The following ANKMY1 variants were observed in gnomAD, a reference collection of about 807,000 sequenced individuals.
The protein encoded by ANKMY1 is ankyrin repeat and MYND domain-containing protein 1.
Under a neutral mutation model 102.0 loss-of-function variants are expected in ANKMY1, and 98 were observed. The observed-to-expected ratio is 0.96, with a 90% CI of 0.82 to 1.14. ANKMY1 has a LOEUF of 1.14. ANKMY1 is among the 50% of genes most tolerant of loss of function. The pLI, the probability that ANKMY1 is intolerant of heterozygous loss-of-function variation, is 0.00. For synonymous variants in ANKMY1, 582 were observed against 559.9 expected (o/e 1.04, Z -0.56); for missense variants, 1,330 against 1,347.6 (o/e 0.99, Z 0.20).
At chr2:240,514,074 T>A (rs778306720) in intron 9 of ANKMY1, among the ~76,000 whole-genome samples, 3 of 152,152 alleles carry the variant, frequency 2.0e-5, no homozygotes, top group African/African-American at 4.8e-5. Flanking sequence ...GGCCACACCC[T>A]CCTTACATGT....
intron 12 of ANKMY1, among the ~76,000 whole-genome samples, chr2:240,509,139 G>A (rs546271305): frequency 4.0e-5 from 6 of 151,820 alleles, no homozygotes; most frequent in African/African-American, 1.5e-4. Context: ...AAGAATGGGT[G>A]GATGGGTAGA....
intron 15 of ANKMY1, among the ~76,000 whole-genome samples, chr2:240,489,952 CT>C: frequency 6.6e-6 from 1 of 152,282 alleles, no homozygotes; most frequent in Non-Finnish European, 1.5e-5. Context: ...CATTATTGCT[CT>C]GTTCAGGTTT....
chr2:240,507,442 G>C, intron 13 of ANKMY1, 118 bp downstream of exon 13: 3 of 1,073,076 alleles, frequency 2.8e-6, no homozygotes, highest in Non-Finnish European at 2.4e-6. Context: ...CCTCACCCAG[G>C]GCCACCCACT....
chr2:240,509,502 G>T, intron 11 of ANKMY1, 47 bp from the exon 12 acceptor site: 2 of 1,325,004 alleles, frequency 1.5e-6, no homozygotes, highest in Non-Finnish European at 2.1e-6. Context: ...CCACCCATAA[G>T]CAGCACCTGA....
downstream of ANKMY1, among the ~76,000 whole-genome samples, chr2:240,478,730 TA>T (rs11320254): frequency 0.74 from 111,248 of 149,496 alleles, 41,474 homozygotes; most frequent in East Asian, 0.96. Flanking sequence ...GGAAAGTCAG[TA>T]AAAAAAAAAA....
intron 15 of ANKMY1, among the ~76,000 whole-genome samples, chr2:240,496,991 T>C (rs950046177): frequency 2.6e-5 from 4 of 152,264 alleles, no homozygotes; most frequent in East Asian, 1.9e-4. Flanking sequence ...GTTTCACCTA[T>C]ATTTCCAGTA....
intron 5 of ANKMY1, chr2:240,527,847 G>C (rs2152411581): frequency 6.6e-6 from 1 of 151,994 alleles, no homozygotes; most frequent in East Asian, 1.9e-4. Flanking sequence ...TGGTAGGTGG[G>C]TGGGTGATTG....
At chr2:240,552,020 T>A (rs1036176296) in intron 4 of ANKMY1, among the ~76,000 whole-genome samples, 24 of 152,246 alleles carry the variant, frequency 1.6e-4, no homozygotes, top group Non-Finnish European at 2.8e-4. Flanking sequence ...CCAGGCCCTT[T>A]GTTCACCGTG....
At chr2:240,480,762 G>T (rs547384680) in intron 17 of ANKMY1, among the ~76,000 whole-genome samples, 175 bp downstream of exon 17, 1 of 152,328 alleles carries the variant, frequency 6.6e-6, no homozygotes, top group Non-Finnish European at 1.5e-5. Flanking sequence ...GAGCCAGGCT[G>T]CCTCAGTGGC....
chr2:240,553,102 C>T, intron 3 of ANKMY1, 45 bp from the exon 4 acceptor site: 1 of 1,601,958 alleles, frequency 6.2e-7, no homozygotes, highest in Non-Finnish European at 8.5e-7. Context: ...TCTTCCAGAA[C>T]CTGACGGGAT....
intron 9 of ANKMY1, among the ~76,000 whole-genome samples, chr2:240,513,886 T>C (rs755097621): frequency 6.6e-5 from 10 of 152,176 alleles, no homozygotes; most frequent in Non-Finnish European, 1.5e-4. Context: ...AAAGAGAATA[T>C]AATGCAGGCA....
chr2:240,485,323 G>A (rs180771980), intron 15 of ANKMY1, among the ~76,000 whole-genome samples: 19,483 of 138,526 alleles, frequency 0.14, 1,438 homozygotes, highest in Non-Finnish European at 0.17. Context: ...GCGAGACTCC[G>A]TCTCAAAGAA....
chr2:240,551,783 A>G (rs1158857815), intron 4 of ANKMY1, among the ~76,000 whole-genome samples: 1 of 152,228 alleles, frequency 6.6e-6, no homozygotes, highest in Non-Finnish European at 1.5e-5. Flanking sequence ...ACTGATAAAC[A>G]AAAAGGGGGG....
At chr2:240,544,152 T>C (rs1447093849) in intron 4 of ANKMY1, among the ~76,000 whole-genome samples, 1 of 152,162 alleles carries the variant, frequency 6.6e-6, no homozygotes, top group African/African-American at 2.4e-5. Context: ...AAGAAAGTTA[T>C]GAATATGAAG....
intron 15 of ANKMY1, among the ~76,000 whole-genome samples, chr2:240,490,223 A>G (rs1460990403): frequency 6.6e-6 from 1 of 152,176 alleles, no homozygotes; most frequent in South Asian, 2.1e-4. Flanking sequence ...CTTTTTAAAG[A>G]ATCAACTTTT....
At chr2:240,542,687 T>C (rs2089244297) in intron 4 of ANKMY1, among the ~76,000 whole-genome samples, 1 of 148,420 alleles carries the variant, frequency 6.7e-6, no homozygotes, top group African/African-American at 2.5e-5. Context: ...TTTGTATCTG[T>C]GTGTGTGTAT....
chr2:240,473,329 A>T, the ANKMY1 span, among the ~76,000 whole-genome samples: 2 of 151,784 alleles, frequency 1.3e-5, no homozygotes, highest in Non-Finnish European at 2.9e-5. Context: ...AAAAATGGAA[A>T]CCATAAAAAA....
chr2:240,480,858 C>G (rs1480507106), intron 17 of ANKMY1, 79 bp downstream of exon 17: 1 of 1,501,964 alleles, frequency 6.7e-7, no homozygotes, highest in African/African-American at 1.4e-5. Flanking sequence ...TGAGGGTGCC[C>G]CTCACCAGCA....
At chr2:240,535,470 G>A (rs1205376052) in intron 4 of ANKMY1, among the ~76,000 whole-genome samples, 11 of 152,138 alleles carry the variant, frequency 7.2e-5, no homozygotes, top group Non-Finnish European at 1.5e-4. Flanking sequence ...GCTCTTAGGT[G>A]ATTATCTCCT....
Sources: allele counts gnomAD v4.1 joint callset (sites outside exome capture counted in the v4.1 genomes callset), GRCh38; gene constraint gnomAD v4.1.1; transcripts MANE v1.5; gene names NCBI Gene and HGNC (gene_info 2026-07-23, HGNC 2026-07-21).